The following CDK13 variants were observed in gnomAD, a reference collection of about 807,000 sequenced individuals.
CDK13 encodes cyclin dependent kinase 13.
In CDK13, 40 loss-of-function variants were observed where a neutral mutation model predicts 137.6. The observed-to-expected ratio is 0.29, with a 90% CI of 0.23 to 0.38. The LOEUF (loss-of-function observed/expected upper bound fraction) is 0.38. Among genes scored for constraint, CDK13 ranks in the 10% least tolerant of loss-of-function variants. The pLI is 1.00. For missense variants in CDK13, 1,704 were observed against 1,951.8 expected (o/e 0.87, Z 2.39); for synonymous variants, 869 against 760.1 (o/e 1.14, Z -2.36).
At chr7:40,055,063 A>G (rs76784924) in intron 7 of CDK13, among the ~76,000 whole-genome samples, 1 of 151,930 alleles carries the variant, frequency 6.6e-6, no homozygotes, top group East Asian at 1.9e-4. Context: ...TGAGACCATT[A>G]TTTTTGGGTC....
intron 1 of CDK13, among the ~76,000 whole-genome samples, chr7:39,974,604 A>G (rs1443566189): frequency 6.8e-6 from 1 of 147,902 alleles, no homozygotes; most frequent in Admixed American, 6.8e-5. Flanking sequence ...TCGCTGTGTC[A>G]CCCAGGCTGG....
rs558165307 is a variant in CDK13 at position 40,055,263 on chromosome 7, C to G, written c.2600+7386C>G. 3.3e-5 allele frequency among the ~76,000 whole-genome samples: 5 copies of G among 149,580 alleles called. No individual in the cohort carries two copies. The South Asian group carries it at 1.1e-3, about 32-fold the overall frequency. The stretch of plus-strand genomic sequence containing the variant: ...TTATGTAAAGTGGAGTGGTTCATTT[C>G]ATTTTTAGATTTTTCTTTTTTGTAT... On this transcript the variant is annotated intron_variant, in intron 7 of 13. Transcript: ENST00000181839.
chr7:39,977,020 A>AT (rs996720903), intron 1 of CDK13, among the ~76,000 whole-genome samples: 9 of 152,216 alleles, frequency 5.9e-5, no homozygotes, highest in African/African-American at 2.2e-4. Context: ...AAGAGTTATC[A>AT]TAAGAAGGGT....
chr7:40,069,292 G>C (rs912866355), intron 9 of CDK13: 3 of 451,472 alleles, frequency 6.6e-6, no homozygotes, highest in Non-Finnish European at 1.3e-5. Flanking sequence ...TGATTTCATA[G>C]CATTAATTTC....
rs909390646 is a variant in CDK13 at position 40,032,199 on chromosome 7, G to A, written c.2354-13637G>A. ...AGCCTCCTGAGTAGCTGGGACCAAA[G>A]GCGCATGCCACTGCACCTGGCTAAT... On this transcript the variant is annotated intron_variant, in intron 5 of 13. Coordinates refer to ENST00000181839, the MANE Select transcript of CDK13 (RefSeq NM_003718.5). Among the ~76,000 whole-genome samples, 4 of 152,120 alleles carry A rather than the reference G, an allele frequency of 2.6e-5. No homozygotes were observed. The East Asian group carries it at 5.8e-4, about 22-fold the overall frequency.
At chr7:40,042,173 G>A (rs1169642998) in intron 5 of CDK13, among the ~76,000 whole-genome samples, 2 of 151,752 alleles carry the variant, frequency 1.3e-5, no homozygotes, top group African/African-American at 4.8e-5. Flanking sequence ...TCCGCCTCTC[G>A]GGTTCAAGTG....
intron 1 of CDK13, among the ~76,000 whole-genome samples, chr7:39,955,471 C>T (rs773379473): frequency 2.6e-5 from 4 of 152,116 alleles, no homozygotes; most frequent in African/African-American, 4.8e-5. Flanking sequence ...CATTAAAGAA[C>T]ATGGGCCACT....
At chr7:39,958,008 A>G (rs1015418471) in intron 1 of CDK13, among the ~76,000 whole-genome samples, 1 of 152,238 alleles carries the variant, frequency 6.6e-6, no homozygotes, top group Non-Finnish European at 1.5e-5. Context: ...AAGCAAAAGT[A>G]CCAAGCTAAA....
chr7:39,958,575 C>T lies in CDK13; in HGVS notation c.1211+6723C>T, dbSNP rs116735250. Among the ~76,000 whole-genome samples, 424 of 152,220 alleles carry T rather than the reference C, an allele frequency of 2.8e-3. 2 individuals carry two copies. Among genetic ancestry groups the T allele is most frequent in the African/African-American group, 9.7e-3 (403 of 41,550 alleles). On this transcript the variant is annotated intron_variant, in intron 1 of 13. Transcript: ENST00000181839. The stretch of plus-strand genomic sequence containing the variant: ...AAGCGGGAACATGTAACAATGCTGT[C>T]TTGTAGCCTGTACTCCACAGTACAG...
chr7:40,069,558 C>T, intron 9 of CDK13: 1 of 293,148 alleles, frequency 3.4e-6, no homozygotes, highest in East Asian at 7.8e-5. Context: ...TATTTCTTCC[C>T]TCACCTTATT....
intron 12 of CDK13, among the ~76,000 whole-genome samples, chr7:40,089,672 T>A (rs1786872022): frequency 6.6e-6 from 1 of 150,990 alleles, no homozygotes; most frequent in African/African-American, 2.4e-5. Context: ...AGTTGAAGTT[T>A]TATGAAAACA....
intron 9 of CDK13, among the ~76,000 whole-genome samples, chr7:40,074,833 A>C (rs769947894): frequency 6.6e-6 from 1 of 151,908 alleles, no homozygotes; most frequent in East Asian, 1.9e-4. Flanking sequence ...TTAAAAAAAA[A>C]AACAAAATAT....
chr7:39,994,111 G>A (rs1185476673), intron 2 of CDK13, among the ~76,000 whole-genome samples: 1 of 152,092 alleles, frequency 6.6e-6, no homozygotes, highest in Admixed American at 6.6e-5. Flanking sequence ...TAGTAGATAT[G>A]TTAGGGATGT....
In CDK13 at chr7:39,987,729, A is replaced by G. The variant is rs2116263639; in HGVS notation, c.1342A>G (p.Ser448Gly). Residue 448 changes from serine (S) to glycine (G), a missense_variant, in exon 2 of 14, where the codon AGC becomes GGC. Around this residue, in one of 5 missense-constraint regions of CDK13, gnomAD observed 1,051 missense variants for 931.0 expected, o/e 1.13. Transcript: ENST00000181839. ...TCCTAGCACACTAACTCTGAAGAGT[A>G]GCCTGGCAGCTGAATTGAACAAGAA... ...ISPSTLTLKSSLAAELNKNKK... is the reference protein window; with the variant it reads ...ISPSTLTLKSGLAAELNKNKK... 1 of 1,614,194 alleles carries G rather than the reference A, an allele frequency of 6.2e-7. No homozygotes were observed.
At chr7:40,008,558 T>C (rs1784838130) in intron 5 of CDK13, among the ~76,000 whole-genome samples, 1 of 152,202 alleles carries the variant, frequency 6.6e-6, no homozygotes, top group Admixed American at 6.5e-5. Flanking sequence ...GGAATTTCAG[T>C]TGAAGGTGTT....
At chr7:40,037,068 A>T (rs181605374) in intron 5 of CDK13, among the ~76,000 whole-genome samples, 6 of 152,154 alleles carry the variant, frequency 3.9e-5, no homozygotes, top group Non-Finnish European at 7.4e-5. Context: ...TGCATTTTCA[A>T]TTTGGCCAAA....
At chr7:40,067,685 A>G (rs1323665904) in intron 9 of CDK13, 1 of 152,312 alleles carries the variant, frequency 6.6e-6, no homozygotes, top group Non-Finnish European at 1.5e-5. Flanking sequence ...ACGGTGGCTC[A>G]TGCCTGTAAT....
chr7:40,001,154 G>A (rs1231635134), intron 4 of CDK13, among the ~76,000 whole-genome samples: 2 of 150,384 alleles, frequency 1.3e-5, no homozygotes, highest in South Asian at 2.1e-4. Context: ...GGCTATATTT[G>A]TCTTTCCCTC....
intron 7 of CDK13, among the ~76,000 whole-genome samples, chr7:40,057,549 A>C (rs547076383): frequency 6.6e-6 from 1 of 152,216 alleles, no homozygotes; most frequent in Non-Finnish European, 1.5e-5. Context: ...TGGGAAATGT[A>C]GCAGAGCTGG....
Sources: allele counts gnomAD v4.1 joint callset (sites outside exome capture counted in the v4.1 genomes callset), GRCh38; gene constraint gnomAD v4.1.1; regional missense constraint gnomAD v4.1.1; transcripts MANE v1.5; gene names NCBI Gene and HGNC (gene_info 2026-07-23, HGNC 2026-07-21).